Variants in IL36B observed in about 807,000 individuals in gnomAD.
IL36B encodes interleukin-36 beta.
In IL36B, 23 loss-of-function variants were observed where a neutral mutation model predicts 19.3. That is an observed-to-expected ratio of 1.19 (90% CI 0.86 to 1.69). IL36B has a LOEUF of 1.69. Ranked by LOEUF, IL36B falls within the 40% of genes most tolerant of loss-of-function variation. The probability of loss-of-function intolerance (pLI) is 0.00; values close to 1 mark genes in which losing one functional copy is unlikely to be tolerated. For missense variants in IL36B, 217 were observed against 200.5 expected, an observed-to-expected ratio of 1.08 and a Z score of -0.50; for synonymous variants, 59 against 59.7, an observed-to-expected ratio of 0.99 and a Z score of 0.05.
At chr2:113,051,663 G>A (rs900286519) in intron 1 of IL36B, among the ~76,000 whole-genome samples, 4 of 152,198 alleles carry the variant, frequency 2.6e-5, no homozygotes, top group Admixed American at 1.3e-4. Flanking sequence ...TCTCGAAAGC[G>A]CTATGAGCCA....
At chr2:113,050,995 C>G (rs34517213) in intron 1 of IL36B, among the ~76,000 whole-genome samples, 13,942 of 149,824 alleles carry the variant, frequency 0.093, 818 homozygotes, top group African/African-American at 0.14. Context: ...GCCTCTCAGC[C>G]TGGCCTCCTG....
At chr2:113,044,775 C>A (rs1685320430) in intron 1 of IL36B, among the ~76,000 whole-genome samples, 1 of 152,084 alleles carries the variant, frequency 6.6e-6, no homozygotes, top group Admixed American at 6.5e-5. Flanking sequence ...TATTTGTCAT[C>A]AGTTCTTTGT....
chr2:113,039,618 A>G (rs1558835456), intron 1 of IL36B, among the ~76,000 whole-genome samples: 2 of 152,216 alleles, frequency 1.3e-5, no homozygotes, highest in Non-Finnish European at 2.9e-5. Context: ...ATCCAGTTGA[A>G]GCCATAAAGG....
At chr2:113,028,575 CT>C (rs1303345128) in intron 4 of IL36B, among the ~76,000 whole-genome samples, 2 of 152,178 alleles carry the variant, frequency 1.3e-5, no homozygotes, top group Non-Finnish European at 2.9e-5. Context: ...CATTCAAAAT[CT>C]TTTTGTCTCC....
chr2:113,048,099 A>G (rs938108004), intron 1 of IL36B, among the ~76,000 whole-genome samples: 2 of 152,218 alleles, frequency 1.3e-5, no homozygotes, highest in African/African-American at 2.4e-5. Flanking sequence ...CTAAATATAT[A>G]GCGTCTGTAA....
chr2:113,024,253 G>A (rs548098931), intron 5 of IL36B, among the ~76,000 whole-genome samples: 2 of 152,080 alleles, frequency 1.3e-5, no homozygotes, highest in Non-Finnish European at 2.9e-5. Flanking sequence ...CAACACCTCC[G>A]TGAATATTAG....
chr2:113,052,063 C>T (rs1227359496), intron 1 of IL36B, among the ~76,000 whole-genome samples: 1 of 151,936 alleles, frequency 6.6e-6, no homozygotes, highest in African/African-American at 2.4e-5. Context: ...GATTCTCGTG[C>T]CTCAGCCTCC....
chr2:113,025,866 G>A (rs930660051), intron 5 of IL36B, among the ~76,000 whole-genome samples: 9 of 152,186 alleles, frequency 5.9e-5, no homozygotes, highest in African/African-American at 2.2e-4. Flanking sequence ...AGAAAGCAGA[G>A]ACTGAGACAA....
chr2:113,039,884 A>G (rs927781343), intron 1 of IL36B, among the ~76,000 whole-genome samples: 2 of 152,000 alleles, frequency 1.3e-5, no homozygotes, highest in Non-Finnish European at 2.9e-5. Flanking sequence ...AACTGCTGAC[A>G]TCGGTGAATA....
chr2:113,026,245 A>T lies in IL36B; in HGVS notation c.262-13T>A. 1.2e-6 allele frequency: 2 copies of T among 1,613,298 alleles called. No homozygotes were observed. Among genetic ancestry groups the T allele is most frequent in the Non-Finnish European group, 8.5e-7 (1 of 1,179,460 alleles). On this transcript the variant is annotated splice_polypyrimidine_tract_variant and intron_variant, in intron 4 of 5. Transcript: ENST00000259213. ...GGGAGCCCTGAAGCTGGAAGAGAGA[A>T]ATGTTCAATGTTGCTGAGATAATAC...
At chr2:113,044,098 G>A (rs967723403) in intron 1 of IL36B, among the ~76,000 whole-genome samples, 1 of 152,132 alleles carries the variant, frequency 6.6e-6, no homozygotes, top group Non-Finnish European at 1.5e-5. Context: ...GACCCTTGAG[G>A]AAGGCATATC....
intron 1 of IL36B, among the ~76,000 whole-genome samples, chr2:113,044,668 C>A (rs937001298): frequency 4.6e-5 from 7 of 152,058 alleles, no homozygotes; most frequent in African/African-American, 1.7e-4. Context: ...TTAATTCAAT[C>A]TGACAATCTT....
chr2:113,050,383 G>A (rs1485450182), intron 1 of IL36B, among the ~76,000 whole-genome samples: 1 of 152,222 alleles, frequency 6.6e-6, no homozygotes, highest in East Asian at 1.9e-4. Context: ...ACGTATATGA[G>A]GCGCCTAAAG....
intron 1 of IL36B, among the ~76,000 whole-genome samples, chr2:113,051,544 C>A (rs184903076): frequency 6.6e-6 from 1 of 152,194 alleles, no homozygotes; most frequent in African/African-American, 2.4e-5. Flanking sequence ...GAGGGTGCCA[C>A]GGGGCTGAGG....
chr2:113,044,258 A>ATG (rs1353432886), intron 1 of IL36B, among the ~76,000 whole-genome samples: 18 of 131,410 alleles, frequency 1.4e-4, no homozygotes, highest in African/African-American at 4.7e-4. Flanking sequence ...ATCTATATCT[A>ATG]TATGTGTGTG....
At chr2:113,023,783 A>G (rs991577117) in intron 5 of IL36B, among the ~76,000 whole-genome samples, 1 of 152,206 alleles carries the variant, frequency 6.6e-6, no homozygotes, top group Admixed American at 6.5e-5. Flanking sequence ...GACTCAAACT[A>G]GTAAGGTAGT....
intron 4 of IL36B, among the ~76,000 whole-genome samples, chr2:113,028,690 T>C (rs549847390): frequency 1.3e-5 from 2 of 152,334 alleles, no homozygotes; most frequent in East Asian, 3.9e-4. Flanking sequence ...TACTGTTCTT[T>C]GGCTTTTCTG....
intron 5 of IL36B, among the ~76,000 whole-genome samples, chr2:113,025,372 T>G (rs1239775862): frequency 6.6e-6 from 1 of 152,198 alleles, no homozygotes; most frequent in Non-Finnish European, 1.5e-5. Context: ...CTGACACACT[T>G]TGGTATTAAT....
chr2:113,043,714 C>T (rs1483154653), intron 1 of IL36B, among the ~76,000 whole-genome samples: 1 of 152,162 alleles, frequency 6.6e-6, no homozygotes, highest in East Asian at 1.9e-4. Flanking sequence ...CCACCACACC[C>T]AGCTAACTTT....
Sources: allele counts gnomAD v4.1 joint callset (sites outside exome capture counted in the v4.1 genomes callset), GRCh38; gene constraint gnomAD v4.1.1; transcripts MANE v1.5; gene names NCBI Gene and HGNC (gene_info 2026-07-23, HGNC 2026-07-21).